ABCG2: variants seen among roughly 807,000 people sequenced by gnomAD.
ABCG2 encodes the protein ATP binding cassette subfamily G member 2 (JR blood group).
In ABCG2, 80 loss-of-function variants were observed where a neutral mutation model predicts 73.5. That is an observed-to-expected ratio of 1.09 (90% confidence interval 0.91 to 1.31). ABCG2 has a LOEUF of 1.31. Ranked by LOEUF, ABCG2 falls within the 50% of genes most tolerant of loss-of-function variation. The probability of loss-of-function intolerance (pLI) is 0.00; values close to 1 mark genes in which losing one functional copy is unlikely to be tolerated. For missense variants in ABCG2, 796 were observed against 786.2 expected (o/e 1.01, Z -0.15); for synonymous variants, 269 against 282.4 (o/e 0.95, Z 0.48).
intron 5 of ABCG2, among the ~76,000 whole-genome samples, chr4:88,130,577 A>G (rs1318818921): frequency 2.0e-5 from 3 of 152,140 alleles, no homozygotes; most frequent in Non-Finnish European, 2.9e-5. Context: ...TGTCTTCCAT[A>G]AAACTGGTCC....
At chr4:88,172,327 C>A (rs558559540) in intron 1 of ABCG2, among the ~76,000 whole-genome samples, 2 of 147,464 alleles carry the variant, frequency 1.4e-5, no homozygotes, top group Non-Finnish European at 3.0e-5. Flanking sequence ...CCTAGTGGCT[C>A]ATGCCTATAA....
chr4:88,182,993 G>A (rs1228398330), intron 1 of ABCG2, among the ~76,000 whole-genome samples: 2 of 150,666 alleles, frequency 1.3e-5, no homozygotes, highest in African/African-American at 4.9e-5. Flanking sequence ...GCTGAGGTAG[G>A]AGAATCACTT....
chr4:88,168,865 T>TAA (rs35255884), intron 1 of ABCG2, among the ~76,000 whole-genome samples: 9,478 of 146,584 alleles, frequency 0.065, 344 homozygotes, highest in Middle Eastern at 0.11. Flanking sequence ...TCACTCAGAT[T>TAA]AAAAAAAAAA....
At position 88,203,154 on chromosome 4, in the gene ABCG2, G is replaced by T. The variant is rs1729246554; in HGVS notation, c.-20+27840C>A. On this transcript the variant is annotated intron_variant, in intron 1 of 15. Coordinates refer to the ABCG2 transcript ENST00000515655. ...ACTTAAAACCAATAAAGCATTGAGG[G>T]TAATTCAAAACATTGTATTGCAAAT... 3.3e-5 allele frequency among the ~76,000 whole-genome samples: 5 copies of T among 152,256 alleles called. No individual in the cohort carries two copies. The South Asian group carries it at 1.0e-3, about 32-fold the overall frequency.
chr4:88,186,914 G>A (rs1480121561), intron 1 of ABCG2, among the ~76,000 whole-genome samples: 7 of 55,600 alleles, frequency 1.3e-4, no homozygotes, highest in African/African-American at 2.6e-4. Context: ...GCGAGACTCC[G>A]TCTCAAAAAA....
chr4:88,214,014 G>T, intron 1 of ABCG2, among the ~76,000 whole-genome samples: 1 of 104,740 alleles, frequency 9.5e-6, no homozygotes, highest in South Asian at 3.1e-4. Context: ...TTGAGACAGA[G>T]TCTCATTCTG....
At chr4:88,167,935 A>G (rs1727604380) in intron 1 of ABCG2, among the ~76,000 whole-genome samples, 1 of 152,194 alleles carries the variant, frequency 6.6e-6, no homozygotes, top group African/African-American at 2.4e-5. Flanking sequence ...TGGGATGATC[A>G]TCAAAATAAA....
At chr4:88,186,657 C>T (rs1321676322) in intron 1 of ABCG2, among the ~76,000 whole-genome samples, 6 of 151,766 alleles carry the variant, frequency 4.0e-5, no homozygotes, top group African/African-American at 9.7e-5. Flanking sequence ...CGGTGGCTCA[C>T]GCCTGTAATC....
intron 1 of ABCG2, among the ~76,000 whole-genome samples, chr4:88,145,022 A>C (rs2110063651): frequency 6.6e-6 from 1 of 150,958 alleles, no homozygotes; most frequent in Admixed American, 6.6e-5. Context: ...CCACCTGCCC[A>C]GCTGGAACTA....
At chr4:88,105,374 G>A (rs1439506198) in intron 10 of ABCG2, among the ~76,000 whole-genome samples, 1 of 152,118 alleles carries the variant, frequency 6.6e-6, no homozygotes, top group Non-Finnish European at 1.5e-5. Flanking sequence ...CTGAGACTAT[G>A]GACAGCAAGC....
chr4:88,113,706 T>C (rs535516377), intron 8 of ABCG2, among the ~76,000 whole-genome samples, 153 bp from the exon 9 acceptor site: 8 of 152,048 alleles, frequency 5.3e-5, no homozygotes, highest in South Asian at 2.1e-4. Context: ...CTCATGACTG[T>C]AATCTCAGCA....
At chr4:88,223,313 AT>A (rs1382233048) in intron 1 of ABCG2, among the ~76,000 whole-genome samples, 6 of 152,232 alleles carry the variant, frequency 3.9e-5, no homozygotes, top group Middle Eastern at 3.4e-3. Flanking sequence ...GTTTGGCTGT[AT>A]CCCCACCTAA....
Position 88,121,750 on chromosome 4 carries a change from T to C in ABCG2, c.574A>G (p.Lys192Glu), listed in dbSNP as rs756055825. ...AGCTCCATTCCTATACTAGTCCTTTTTCTTTCTCCTCCAGACACACCACGG... is the reference window on the plus strand; with the variant it reads ...AGCTCCATTCCTATACTAGTCCTTTCTCTTTCTCCTCCAGACACACCACGG... ...FIRGVSGGERKRTSIGMELIT... is the reference protein window; with the variant it reads ...FIRGVSGGERERTSIGMELIT... The change falls in exon 6 of 16, where the codon AAA (lysine) becomes GAA (glutamate). Residue 192 changes from lysine (K) to glutamate (E), a missense_variant. Transcript: ENST00000237612. The C allele has an allele frequency of 3.7e-6, 6 of 1,614,050 alleles. No homozygotes were observed. In the South Asian group the frequency reaches 6.6e-5, roughly 18 times the overall value.
intron 9 of ABCG2, among the ~76,000 whole-genome samples, chr4:88,109,499 GTT>G (rs1279512414): frequency 4.6e-5 from 7 of 152,292 alleles, no homozygotes; most frequent in Admixed American, 3.9e-4. Flanking sequence ...GTGTGTCTGT[GTT>G]ATTCTTTCTG....
intron 5 of ABCG2, among the ~76,000 whole-genome samples, chr4:88,122,793 A>G (rs1304171762): frequency 1.3e-5 from 2 of 152,240 alleles, no homozygotes; most frequent in African/African-American, 4.8e-5. Context: ...TGAATCTCCC[A>G]GCACAGCGCT....
chr4:88,149,334 T>A (rs1352692316), intron 1 of ABCG2, among the ~76,000 whole-genome samples: 4 of 152,234 alleles, frequency 2.6e-5, no homozygotes, highest in Admixed American at 6.5e-5. Context: ...TTAGACCAAG[T>A]GCAATTTACA....
chr4:88,146,580 G>T (rs1158355504), intron 1 of ABCG2, among the ~76,000 whole-genome samples: 1 of 152,064 alleles, frequency 6.6e-6, no homozygotes, highest in African/African-American at 2.4e-5. Flanking sequence ...TTTTAGTAGA[G>T]ATGGGGTTTC....
In ABCG2 at chr4:88,131,118, G is replaced by A. The variant is rs150450599; in HGVS notation, c.474C>T (p.Asn158=). ...LATTMTNHEK[N]ERINRVIQEL... The stretch of plus-strand genomic sequence containing the variant: ...CTTGAATGACCCTGTTAATCCGTTC[G>A]TTTTTTTCATGATTCGTCATAGTTG... Residue 158 remains asparagine, a synonymous_variant, in exon 5 of 16, where the codon AAC becomes AAT. Coordinates refer to ENST00000237612, the MANE Select transcript of ABCG2 (RefSeq NM_004827.3). The A allele has an allele frequency of 7.6e-5, 123 of 1,613,806 alleles. No individual in the cohort carries two copies. Among genetic ancestry groups the A allele is most frequent in the African/African-American group, 1.6e-4 (12 of 74,894 alleles).
intron 1 of ABCG2, among the ~76,000 whole-genome samples, chr4:88,220,311 T>G (rs902419330): frequency 2.6e-5 from 4 of 152,188 alleles, no homozygotes; most frequent in Non-Finnish European, 5.9e-5. Flanking sequence ...CTTTCAGTTC[T>G]TTTGGGTATA....
Sources: allele counts gnomAD v4.1 joint callset (sites outside exome capture counted in the v4.1 genomes callset), GRCh38; gene constraint gnomAD v4.1.1; transcripts MANE v1.5; gene names NCBI Gene and HGNC (gene_info 2026-07-23, HGNC 2026-07-21).